The following ZNF385D variants were observed in gnomAD, a reference collection of about 807,000 sequenced individuals.
The protein encoded by ZNF385D is zinc finger protein 385D, also known as zinc finger protein 659.
ZNF385D carries 15 observed loss-of-function variants against 35.8 expected under a neutral mutation model. That is an observed-to-expected ratio of 0.42 (90% CI 0.28 to 0.64). ZNF385D has a LOEUF of 0.64. ZNF385D is among the 30% of genes least tolerant of loss of function. The pLI, the probability that ZNF385D is intolerant of heterozygous loss-of-function variation, is 0.23. For missense variants in ZNF385D, 474 were observed against 494.6 expected (o/e 0.96, Z 0.39); for synonymous variants, 212 against 186.8 (o/e 1.13, Z -1.10).
At chr3:22,011,788 C>T (rs1696589725) in intron 3 of ZNF385D, among the ~76,000 whole-genome samples, 1 of 151,942 alleles carries the variant, frequency 6.6e-6, no homozygotes. Flanking sequence ...TGTATCTTAC[C>T]GAAGATCACA....
At chr3:21,677,212 T>C (rs1453291077) in intron 1 of ZNF385D, among the ~76,000 whole-genome samples, 1 of 152,074 alleles carries the variant, frequency 6.6e-6, no homozygotes, top group African/African-American at 2.4e-5. Flanking sequence ...AAAGGCTAAA[T>C]CTGAGGCAGC....
chr3:22,172,001 G>A (rs539966487), intron 2 of ZNF385D, among the ~76,000 whole-genome samples: 18 of 151,810 alleles, frequency 1.2e-4, no homozygotes, highest in Admixed American at 4.6e-4. Flanking sequence ...TGGTAAAAAC[G>A]ACATGCTTAA....
intron 1 of ZNF385D, among the ~76,000 whole-genome samples, chr3:21,713,396 G>C (rs1435844278): frequency 6.6e-6 from 1 of 152,146 alleles, no homozygotes; most frequent in Non-Finnish European, 1.5e-5. Context: ...CCTGTAATCT[G>C]TCATGTGGTG....
At chr3:21,868,522 T>A (rs1312702940) in intron 3 of ZNF385D, among the ~76,000 whole-genome samples, 1 of 152,148 alleles carries the variant, frequency 6.6e-6, no homozygotes, top group Non-Finnish European at 1.5e-5. Flanking sequence ...TCATCCTTAA[T>A]AAGAAATTCC....
chr3:22,211,652 A>G (rs1452527080), intron 2 of ZNF385D, among the ~76,000 whole-genome samples: 1 of 151,990 alleles, frequency 6.6e-6, no homozygotes, highest in Non-Finnish European at 1.5e-5. Flanking sequence ...CTTGGGGCAG[A>G]AAGAAACAGA....
chr3:22,196,087 C>T (rs2125234095), intron 2 of ZNF385D, among the ~76,000 whole-genome samples: 1 of 152,046 alleles, frequency 6.6e-6, no homozygotes, highest in East Asian at 1.9e-4. Flanking sequence ...GGCTTAATAC[C>T]TGTGTGATGA....
intron 3 of ZNF385D, among the ~76,000 whole-genome samples, chr3:22,064,958 C>G (rs2250679): frequency 0.66 from 99,745 of 152,052 alleles, 33,740 homozygotes; most frequent in African/African-American, 0.83. Context: ...GTTGACTTAG[C>G]CATGCACAAA....
intron 4 of ZNF385D, among the ~76,000 whole-genome samples, chr3:21,509,384 G>A (rs767676268): frequency 3.9e-5 from 6 of 152,024 alleles, no homozygotes; most frequent in Admixed American, 6.6e-5. Context: ...CCCAATATCC[G>A]GGAGCAGAAA....
At chr3:21,737,291 A>G (rs2069290736) in intron 1 of ZNF385D, among the ~76,000 whole-genome samples, 1 of 152,218 alleles carries the variant, frequency 6.6e-6, no homozygotes, top group Admixed American at 6.5e-5. Flanking sequence ...CATTGTTTTT[A>G]CTAGTAAAAT....
chr3:22,012,406 C>A (rs1038251153), intron 3 of ZNF385D, among the ~76,000 whole-genome samples: 6 of 152,084 alleles, frequency 3.9e-5, no homozygotes, highest in Non-Finnish European at 8.8e-5. Flanking sequence ...AAATAAATTA[C>A]ATTATTTACA....
intron 3 of ZNF385D, among the ~76,000 whole-genome samples, chr3:22,098,539 G>C (rs781711141): frequency 3.3e-4 from 50 of 152,002 alleles, no homozygotes; most frequent in Non-Finnish European, 6.0e-4. Context: ...GTCATTCTAA[G>C]AATGGTCATT....
chr3:22,224,440 A>G (rs918277685), intron 2 of ZNF385D, among the ~76,000 whole-genome samples: 13 of 152,112 alleles, frequency 8.5e-5, no homozygotes, highest in African/African-American at 2.9e-4. Flanking sequence ...ATCTCTCTGT[A>G]TTATAGTTAT....
intron 2 of ZNF385D, among the ~76,000 whole-genome samples, chr3:21,613,100 T>C (rs578180058): frequency 1.3e-5 from 2 of 152,158 alleles, no homozygotes; most frequent in African/African-American, 4.8e-5. Context: ...ATATCTGTTA[T>C]ACTTCAAGGT....
rs563539867 is a variant in ZNF385D at position 22,097,427 on chromosome 3, A to C, written c.325+71390T>G. Reference sequence around the variant, plus strand: ...TAGATGGAGAAAGAGGTTATTGGCTAGGTCATAAATAATGATAAAGAAGTT... The same window carrying C: ...TAGATGGAGAAAGAGGTTATTGGCTCGGTCATAAATAATGATAAAGAAGTT... On this transcript the variant is annotated intron_variant, in intron 3 of 5. Coordinates refer to the ZNF385D transcript ENST00000494108. Among the ~76,000 whole-genome samples the C allele has an allele frequency of 2.6e-5, 4 of 152,126 alleles. No homozygotes were observed. In the South Asian group the frequency reaches 8.3e-4, roughly 32 times the overall value.
chr3:21,939,047 T>C (rs759105757), intron 3 of ZNF385D, among the ~76,000 whole-genome samples: 5 of 152,156 alleles, frequency 3.3e-5, no homozygotes, highest in Non-Finnish European at 5.9e-5. Flanking sequence ...GGGGCAGGTT[T>C]CTCACTAAAC....
chr3:21,618,260 T>C (rs1575331241), intron 2 of ZNF385D, among the ~76,000 whole-genome samples: 1 of 108,028 alleles, frequency 9.3e-6, no homozygotes, highest in African/African-American at 3.5e-5. Flanking sequence ...GAGGGAGATT[T>C]AACAGACAGA....
Position 21,465,193 on chromosome 3 carries a change from C to T in ZNF385D, c.440-27990G>A, listed in dbSNP as rs1244332487. Among the ~76,000 whole-genome samples the T allele has an allele frequency of 7.2e-5, 11 of 152,050 alleles. No individual in the cohort carries two copies. Among genetic ancestry groups the T allele is most frequent in the African/African-American group, 2.4e-4 (10 of 41,368 alleles). ...TGCCCTTGAACACAGTGAAAATTTA[C>T]ATATTTTCACTTTTATTTTCACATA... On this transcript the variant is annotated intron_variant, in intron 4 of 7. Transcript: ENST00000281523. The surrounding 1 kb of genome is among the most constrained non-coding windows in gnomAD (Gnocchi z 4.2).
intron 3 of ZNF385D, among the ~76,000 whole-genome samples, chr3:22,056,274 T>TAAAAAAAAA (rs1180609438): frequency 3.1e-5 from 2 of 64,904 alleles, no homozygotes; most frequent in African/African-American, 6.1e-5. Context: ...TAGAGTATAA[T>TAAAAAAAAA]AAAAAAAAAA....
At chr3:21,845,551 C>T (rs1006238418) in intron 3 of ZNF385D, among the ~76,000 whole-genome samples, 18 of 151,976 alleles carry the variant, frequency 1.2e-4, no homozygotes, top group African/African-American at 4.3e-4. Flanking sequence ...GAACAAACCA[C>T]ACCAGTTTCC....
Sources: gnomAD v4.1 joint callset for allele counts (sites outside exome capture counted in the v4.1 genomes callset) on GRCh38, gnomAD v4.1.1 for gene constraint, Gnocchi (gnomAD v3.1) non-coding constraint, MANE v1.5 for transcripts, NCBI Gene and HGNC (gene_info 2026-07-23, HGNC 2026-07-21) for gene names.